The following TBC1D22A variants were observed in gnomAD, a reference collection of about 807,000 sequenced individuals.
The protein encoded by TBC1D22A is TBC1 domain family member 22A.
Under a neutral mutation model 60.2 loss-of-function variants are expected in TBC1D22A, and 38 were observed. The ratio of observed to expected loss-of-function variants is 0.63; its 90% CI spans 0.49 to 0.83. TBC1D22A has a LOEUF of 0.83. Among genes scored for constraint, TBC1D22A ranks in the 40% least tolerant of loss-of-function variants. The pLI, the probability that TBC1D22A is intolerant of heterozygous loss-of-function variation, is 0.00. For synonymous variants in TBC1D22A, 302 were observed against 281.7 expected, an observed-to-expected ratio of 1.07 and a Z score of -0.72; for missense variants, 628 against 701.0, an observed-to-expected ratio of 0.90 and a Z score of 1.18.
At chr22:46,783,271 G>A (rs934253505) in intron 1 of TBC1D22A, among the ~76,000 whole-genome samples, 2 of 152,206 alleles carry the variant, frequency 1.3e-5, no homozygotes, top group African/African-American at 4.8e-5. Flanking sequence ...AGAGTTATCA[G>A]CACTGTGCCC....
At chr22:46,796,424 A>T (rs2084656302) in intron 3 of TBC1D22A, among the ~76,000 whole-genome samples, 1 of 152,072 alleles carries the variant, frequency 6.6e-6, no homozygotes, top group Non-Finnish European at 1.5e-5. Flanking sequence ...GCTGGAGTGG[A>T]TGTCGGCCCG....
At chr22:47,165,611 G>A (rs995947956) in intron 12 of TBC1D22A, among the ~76,000 whole-genome samples, 5 of 152,146 alleles carry the variant, frequency 3.3e-5, no homozygotes, top group African/African-American at 1.2e-4. Flanking sequence ...ACTGCAGTGT[G>A]GGTGCCACAG....
At chr22:46,856,132 G>C (rs2087557496) in intron 4 of TBC1D22A, among the ~76,000 whole-genome samples, 1 of 152,214 alleles carries the variant, frequency 6.6e-6, no homozygotes, top group Non-Finnish European at 1.5e-5. Flanking sequence ...TGGGAATGAT[G>C]AGCCTGGGGT....
intron 8 of TBC1D22A, among the ~76,000 whole-genome samples, chr22:46,967,274 T>C (rs1459832212): frequency 2.0e-5 from 3 of 152,194 alleles, no homozygotes; most frequent in Non-Finnish European, 2.9e-5. Flanking sequence ...TAGTCTTGAG[T>C]TGTTATGCCA....
At chr22:47,048,542 C>T (rs926337955) in intron 11 of TBC1D22A, among the ~76,000 whole-genome samples, 19 of 152,288 alleles carry the variant, frequency 1.2e-4, no homozygotes, top group Non-Finnish European at 2.8e-4. Context: ...TCCAGATGTT[C>T]ACAGTGGCTG....
chr22:47,151,077 G>A (rs1305185516), intron 12 of TBC1D22A, among the ~76,000 whole-genome samples: 1 of 152,092 alleles, frequency 6.6e-6, no homozygotes, highest in Non-Finnish European at 1.5e-5. Context: ...GAGGCTGAGG[G>A]GCCTGTGAGC....
chr22:47,047,556 T>A (rs1226158602), intron 11 of TBC1D22A, among the ~76,000 whole-genome samples: 1 of 152,184 alleles, frequency 6.6e-6, no homozygotes, highest in Non-Finnish European at 1.5e-5. Flanking sequence ...AGAGGAGTAG[T>A]CCTGGGGCTG....
At chr22:47,041,182 A>G (rs1406840614) in intron 11 of TBC1D22A, among the ~76,000 whole-genome samples, 1 of 152,210 alleles carries the variant, frequency 6.6e-6, no homozygotes. Flanking sequence ...ATTCCTTTCT[A>G]GTGATATCCA....
chr22:46,848,893 T>G (rs2087143869), intron 4 of TBC1D22A, among the ~76,000 whole-genome samples: 1 of 152,034 alleles, frequency 6.6e-6, no homozygotes, highest in Admixed American at 6.6e-5. Flanking sequence ...ATGCAGTTTT[T>G]TTTTTTTTTA....
chr22:47,072,833 T>C (rs2064057400), intron 11 of TBC1D22A, among the ~76,000 whole-genome samples: 1 of 152,232 alleles, frequency 6.6e-6, no homozygotes, highest in South Asian at 2.1e-4. Flanking sequence ...ATACATGTCA[T>C]GGTCTTGTTC....
At chr22:46,808,624 T>C (rs998756317) in intron 4 of TBC1D22A, among the ~76,000 whole-genome samples, 8 of 152,034 alleles carry the variant, frequency 5.3e-5, no homozygotes, top group African/African-American at 1.9e-4. Context: ...GGAGACAGTC[T>C]TGTTCGGTTG....
intron 4 of TBC1D22A, among the ~76,000 whole-genome samples, chr22:46,872,814 G>A (rs1240201675): frequency 6.6e-6 from 1 of 152,202 alleles, no homozygotes; most frequent in Non-Finnish European, 1.5e-5. Context: ...CCTTAGCTGA[G>A]TATTGATCTG....
At chr22:46,968,621 G>A (rs1184990712) in intron 8 of TBC1D22A, among the ~76,000 whole-genome samples, 4 of 151,728 alleles carry the variant, frequency 2.6e-5, no homozygotes, top group African/African-American at 9.7e-5. Context: ...CGTGGCCGGC[G>A]GTCCTGAGTG....
At chr22:46,941,934 T>TAC (rs368425901) in intron 8 of TBC1D22A, among the ~76,000 whole-genome samples, 7,257 of 138,422 alleles carry the variant, frequency 0.052, 213 homozygotes, top group African/African-American at 0.081. Context: ...TATGTATGTA[T>TAC]ACACACACAC....
At chr22:46,808,714 C>T (rs1304875277) in intron 4 of TBC1D22A, among the ~76,000 whole-genome samples, 4 of 152,162 alleles carry the variant, frequency 2.6e-5, no homozygotes, top group Non-Finnish European at 5.9e-5. Flanking sequence ...CTTGCCTCAG[C>T]CTCCCGAGTA....
At chr22:46,965,721 G>A (rs79419381) in intron 8 of TBC1D22A, among the ~76,000 whole-genome samples, 7,614 of 152,282 alleles carry the variant, frequency 0.05, 579 homozygotes, top group African/African-American at 0.17. Flanking sequence ...CAGGCACGAC[G>A]TCTGCCTCAT....
intron 11 of TBC1D22A, among the ~76,000 whole-genome samples, chr22:47,064,724 C>T (rs758549627): frequency 4.6e-5 from 7 of 152,186 alleles, no homozygotes; most frequent in East Asian, 1.9e-4. Context: ...TATTCATAAA[C>T]GCTGAGATTG....
At chr22:47,047,300 G>T (rs897026618) in intron 11 of TBC1D22A, among the ~76,000 whole-genome samples, 4 of 152,236 alleles carry the variant, frequency 2.6e-5, no homozygotes, top group Admixed American at 2.6e-4. Flanking sequence ...ATTAATGAAG[G>T]CTGCATATTA....
At chr22:47,069,181 T>G (rs1164423381) in intron 11 of TBC1D22A, among the ~76,000 whole-genome samples, 6 of 152,192 alleles carry the variant, frequency 3.9e-5, no homozygotes, top group Non-Finnish European at 8.8e-5. Flanking sequence ...CAAAAGCAAG[T>G]TTTTAGAGGA....
Sources: allele counts gnomAD v4.1 joint callset (sites outside exome capture counted in the v4.1 genomes callset), GRCh38; gene constraint gnomAD v4.1.1; transcripts MANE v1.5; gene names NCBI Gene and HGNC (gene_info 2026-07-23, HGNC 2026-07-21).